SVOP: variants seen among roughly 807,000 people sequenced by gnomAD.
The protein encoded by SVOP is synaptic vesicle 2-related protein.
Under a neutral mutation model 69.1 loss-of-function variants are expected in SVOP, and 17 were observed. That is an observed-to-expected ratio of 0.25 (90% CI 0.17 to 0.37). The LOEUF is 0.37. Among genes scored for constraint, SVOP ranks in the 10% least tolerant of loss-of-function variants. The probability of loss-of-function intolerance (pLI) is 1.00; values close to 1 mark genes in which losing one functional copy is unlikely to be tolerated. For synonymous variants in SVOP, 238 were observed against 238.6 expected, an observed-to-expected ratio of 1.00 and a Z score of 0.02; for missense variants, 435 against 597.5, an observed-to-expected ratio of 0.73 and a Z score of 2.84.
Position 108,909,728 on chromosome 12 carries a change from A to G in SVOP, c.*2807T>C, listed in dbSNP as rs964499238. On this transcript the variant is annotated 3_prime_UTR_variant, in exon 16 of 16. Coordinates refer to ENST00000610966, the MANE Select transcript of SVOP (RefSeq NM_018711.5). ...ATATATAGCTCTGGCTACATTAAAT[A>G]TCTTTTGCCACTTTCTGAGATCTTT... 2.6e-5 allele frequency: 4 copies of G among 152,222 alleles called. No homozygotes were observed. Among genetic ancestry groups the G allele is most frequent in the African/African-American group, 9.6e-5 (4 of 41,470 alleles). 9.4% of individuals were successfully genotyped at this position (152,222 alleles called of 1,614,324 possible). A position where few individuals can be genotyped will look rare whatever the true frequency, so the allele number is the denominator to read the frequency against.
In SVOP at chr12:108,941,660, A is replaced by AT. The variant is rs533174253; in HGVS notation, c.643-752dup. On this transcript the variant is annotated intron_variant, in intron 7 of 15. Transcript: ENST00000610966. ...TTTGCAAACGTGAAAGTCTGTGCCC[A>AT]TTTTTTTTTTTCTTTTTTTGAGACA... Among the ~76,000 whole-genome samples the AT allele has an allele frequency of 6.2e-4, 89 of 144,358 alleles. 1 individual carries two copies. The highest frequency in any genetic ancestry group is 1.0e-3 in the East Asian group (5 of 4,908). The allele number at this position is 144,358 out of a possible 152,430, so 94.7% of individuals were successfully genotyped here.
In SVOP at chr12:108,922,836, C is replaced by G. The variant is rs772265633; in HGVS notation, c.1049-39G>C. Reference sequence around the variant, plus strand: ...AGAGAAAGAGAGGGGGAGACATATACAGAGTCTTGAATCACACCTTCCTGC... The same window carrying G: ...AGAGAAAGAGAGGGGGAGACATATAGAGAGTCTTGAATCACACCTTCCTGC... On this transcript the variant is annotated intron_variant, in intron 11 of 15. Transcript: ENST00000610966. 2.1e-6 allele frequency: 3 copies of G among 1,445,776 alleles called. No individual in the cohort carries two copies. In the Admixed American group the frequency reaches 5.8e-5, roughly 28 times the overall value. 89.6% of individuals were successfully genotyped at this position (1,445,776 alleles called of 1,614,324 possible).
At chr12:108,942,273 T>C (rs1314618678) in intron 7 of SVOP, among the ~76,000 whole-genome samples, 1 of 152,228 alleles carries the variant, frequency 6.6e-6, no homozygotes, top group Admixed American at 6.5e-5. Flanking sequence ...TGCTTCCATG[T>C]CTTAGCTAGT....
chr12:108,912,316 C>A lies in SVOP; in HGVS notation c.*219G>T. On this transcript the variant is annotated 3_prime_UTR_variant, in exon 16 of 16. Transcript: ENST00000610966. ...CCACAGGTTATGAACAAAGCTTTCACCACATATACAGAGAACCCCCTAGAG... is the reference window on the plus strand; with the variant it reads ...CCACAGGTTATGAACAAAGCTTTCAACACATATACAGAGAACCCCCTAGAG... 14 of 1,425,398 alleles carry A rather than the reference C, an allele frequency of 9.8e-6. No individual in the cohort carries two copies. The highest frequency in any genetic ancestry group is 1.3e-5 in the Non-Finnish European group (14 of 1,093,568). The allele number at this position is 1,425,398 out of a possible 1,614,324, so 88.3% of individuals were successfully genotyped here. A position where few individuals can be genotyped will look rare whatever the true frequency, so the allele number is the denominator to read the frequency against.
chr12:108,973,766 C>T (rs1375797193), intron 4 of SVOP, among the ~76,000 whole-genome samples: 1 of 152,122 alleles, frequency 6.6e-6, no homozygotes, highest in Non-Finnish European at 1.5e-5. Flanking sequence ...TTCTCAAGAA[C>T]GAGTTAGGAG....
chr12:108,925,758 A>G (rs1353283717), intron 11 of SVOP, among the ~76,000 whole-genome samples: 1 of 152,030 alleles, frequency 6.6e-6, no homozygotes, highest in Non-Finnish European at 1.5e-5. Flanking sequence ...GGATCTTTGC[A>G]CTGGCTGATC....
Position 108,908,322 on chromosome 12 carries a change from C to T in SVOP, c.*4213G>A, listed in dbSNP as rs1280138295. ...GCTGTACTTTATTCCTATGCAATCT[C>T]TCTAAACTGTCAGAGTGAACCATCA... On this transcript the variant is annotated 3_prime_UTR_variant, in exon 16 of 16. Transcript: ENST00000610966. 2 of 152,282 alleles carry T rather than the reference C, an allele frequency of 1.3e-5. No individual in the cohort carries two copies. The highest frequency in any genetic ancestry group is 2.9e-5 in the Non-Finnish European group (2 of 68,048). 9.4% of individuals were successfully genotyped at this position (152,282 alleles called of 1,614,324 possible). A position where few individuals can be genotyped will look rare whatever the true frequency, so the allele number is the denominator to read the frequency against.
At chr12:108,950,750 C>G (rs1314622428) in intron 6 of SVOP, among the ~76,000 whole-genome samples, 1 of 152,144 alleles carries the variant, frequency 6.6e-6, no homozygotes, top group Non-Finnish European at 1.5e-5. Context: ...ATTTAACTGC[C>G]CCCTAATTAT....
At chr12:108,995,061 T>C (rs2135613239) in intron 1 of SVOP, among the ~76,000 whole-genome samples, 1 of 151,956 alleles carries the variant, frequency 6.6e-6, no homozygotes, top group South Asian at 2.1e-4. Context: ...GGGAGGATTA[T>C]TTGAGCCTGG....
At position 109,020,896 on chromosome 12, in the gene SVOP, C is replaced by T. The variant is rs1210751933; in HGVS notation, c.-28G>A. 3 of 717,820 alleles carry T rather than the reference C, an allele frequency of 4.2e-6. No homozygotes were observed. Among genetic ancestry groups the T allele is most frequent in the African/African-American group, 3.5e-5 (2 of 57,210 alleles). 44.5% of individuals were successfully genotyped at this position (717,820 alleles called of 1,614,324 possible). On this transcript the variant is annotated 5_prime_UTR_variant, in exon 1 of 16. Transcript: ENST00000610966. ...CCGCGCTGCGCCAGGATGAGCCCTT[C>T]TCATGGCCCTTACATGGTAGTGGTG... is the stretch of plus-strand genomic sequence containing the variant.
chr12:108,943,882 TC>T (rs1476966456), intron 7 of SVOP, among the ~76,000 whole-genome samples: 1 of 151,584 alleles, frequency 6.6e-6, no homozygotes, highest in Non-Finnish European at 1.5e-5. Context: ...CTCTTCTTCT[TC>T]TTCTTTCTTT....
chr12:109,018,402 C>T (rs1355555329), intron 1 of SVOP, among the ~76,000 whole-genome samples: 8 of 152,132 alleles, frequency 5.3e-5, no homozygotes, highest in Non-Finnish European at 1.2e-4. Flanking sequence ...CCCTCACTCC[C>T]TTTCCCCATT....
At chr12:108,980,408 ATT>A (rs1214501261) in intron 2 of SVOP, among the ~76,000 whole-genome samples, 3 of 152,230 alleles carry the variant, frequency 2.0e-5, no homozygotes, top group East Asian at 1.9e-4. Context: ...TATATCTGCA[ATT>A]TTTTTGTAAA....
chr12:108,936,992 T>G, intron 10 of SVOP: 1 of 414,378 alleles, frequency 2.4e-6, no homozygotes, highest in Non-Finnish European at 4.5e-6. Flanking sequence ...AGTTCAGGAG[T>G]TCAAGGCTGC....
chr12:108,966,337 C>T (rs1289806919), intron 5 of SVOP, among the ~76,000 whole-genome samples: 1 of 152,236 alleles, frequency 6.6e-6, no homozygotes, highest in Admixed American at 6.5e-5. Flanking sequence ...CAAGACCACA[C>T]ACCTACAGTT....
At chr12:108,970,478 T>A (rs1368721201) in intron 5 of SVOP, among the ~76,000 whole-genome samples, 1 of 152,204 alleles carries the variant, frequency 6.6e-6, no homozygotes, top group Non-Finnish European at 1.5e-5. Flanking sequence ...CAGCCCATGA[T>A]TTGCTAGTTG....
chr12:109,018,673 G>A (rs2040381243), intron 1 of SVOP, among the ~76,000 whole-genome samples: 2 of 152,000 alleles, frequency 1.3e-5, no homozygotes, highest in African/African-American at 4.8e-5. Flanking sequence ...TCTTTTTTTA[G>A]AAATTGAGGT....
rs2039661682 is a variant in SVOP at position 108,908,545 on chromosome 12, G to A, written c.*3990C>T. On this transcript the variant is annotated 3_prime_UTR_variant, in exon 16 of 16. Coordinates refer to ENST00000610966, the MANE Select transcript of SVOP (RefSeq NM_018711.5). ...AAGGGAGTTGCAGCCCCCCCCTGCA[G>A]ACAGGGCTGGTGTTTCTCTTGTCCT... 1 of 152,220 alleles carries A rather than the reference G, an allele frequency of 6.6e-6. No individual in the cohort carries two copies. The highest frequency in any genetic ancestry group is 2.4e-5 in the African/African-American group (1 of 41,448). The allele number at this position is 152,220 out of a possible 1,614,324, so 9.4% of individuals were successfully genotyped here. A position where few individuals can be genotyped will look rare whatever the true frequency, so the allele number is the denominator to read the frequency against.
chr12:108,930,193 T>C (rs570183483), intron 11 of SVOP, among the ~76,000 whole-genome samples: 1 of 152,346 alleles, frequency 6.6e-6, no homozygotes, highest in Non-Finnish European at 1.5e-5. Context: ...TCATTTATAT[T>C]GTTAAAAGAA....
Sources: gnomAD v4.1 joint callset for allele counts (sites outside exome capture counted in the v4.1 genomes callset) on GRCh38, gnomAD v4.1.1 for gene constraint, MANE v1.5 for transcripts, NCBI Gene and HGNC (gene_info 2026-07-23, HGNC 2026-07-21) for gene names.